Variants in KCNQ5 observed in about 807,000 individuals in gnomAD.
KCNQ5 encodes the protein potassium voltage-gated channel subfamily KQT member 5.
Under a neutral mutation model 98.2 loss-of-function variants are expected in KCNQ5, and 30 were observed. That is an observed-to-expected ratio of 0.31 (90% CI 0.23 to 0.41). The LOEUF (loss-of-function observed/expected upper bound fraction) is 0.41. Ranked by LOEUF, KCNQ5 falls within the 10% of genes least tolerant of loss-of-function variation. KCNQ5 has a pLI of 1.00. For missense variants in KCNQ5, 835 were observed against 1,182.5 expected (o/e 0.71, Z 4.31); for synonymous variants, 458 against 449.4 (o/e 1.02, Z -0.24).
Position 72,929,788 on chromosome 6 carries a change from T to C in KCNQ5, c.399-74120T>C, listed in dbSNP as rs1183464787. On this transcript the variant is annotated intron_variant, in intron 1 of 13. Transcript: ENST00000370398. ...AGGATAATTTAAAACGTATACAATTTGTTAGATATAATTGTTGATGAAATT... is the reference window on the plus strand; with the variant it reads ...AGGATAATTTAAAACGTATACAATTCGTTAGATATAATTGTTGATGAAATT... 2.6e-5 allele frequency among the ~76,000 whole-genome samples: 4 copies of C among 152,100 alleles called. No individual in the cohort carries two copies. In the East Asian group the frequency reaches 7.7e-4, roughly 29 times the overall value.
intron 1 of KCNQ5, among the ~76,000 whole-genome samples, chr6:72,854,993 G>C (rs1777465743): frequency 6.6e-6 from 1 of 151,618 alleles, no homozygotes; most frequent in Non-Finnish European, 1.5e-5. Flanking sequence ...TCATTTAGTG[G>C]AACAAGAAGT....
chr6:72,686,038 C>T (rs1767936339), intron 1 of KCNQ5, among the ~76,000 whole-genome samples: 1 of 152,234 alleles, frequency 6.6e-6, no homozygotes, highest in East Asian at 1.9e-4. Context: ...GGTATCTCTT[C>T]TTTTTCAAGG....
chr6:73,080,394 C>T (rs958203069), intron 5 of KCNQ5, among the ~76,000 whole-genome samples: 3 of 151,802 alleles, frequency 2.0e-5, no homozygotes, highest in African/African-American at 7.3e-5. Context: ...CTTATTGGTC[C>T]GTAGCAGGTT....
chr6:73,019,813 AAGAC>A (rs1554198442), intron 2 of KCNQ5, among the ~76,000 whole-genome samples: 1 of 152,200 alleles, frequency 6.6e-6, no homozygotes, highest in Non-Finnish European at 1.5e-5. Context: ...TTAAAAATAT[AAGAC>A]AGTCTGATTT....
At chr6:73,155,193 C>G (rs755581520) in intron 10 of KCNQ5, among the ~76,000 whole-genome samples, 3 of 152,176 alleles carry the variant, frequency 2.0e-5, no homozygotes, top group Non-Finnish European at 4.4e-5. Flanking sequence ...CTTAGGACCT[C>G]TCAAAATAAA....
chr6:72,702,501 T>G (rs1440352871), intron 1 of KCNQ5, among the ~76,000 whole-genome samples: 2 of 152,198 alleles, frequency 1.3e-5, no homozygotes, highest in Non-Finnish European at 2.9e-5. Flanking sequence ...GTGCCTGGAA[T>G]GTTGGAATAA....
chr6:72,906,023 C>A (rs577400089), intron 1 of KCNQ5, among the ~76,000 whole-genome samples: 2 of 151,864 alleles, frequency 1.3e-5, no homozygotes, highest in Non-Finnish European at 2.9e-5. Flanking sequence ...CAGGTGGGGG[C>A]AGGGCTAAGC....
At chr6:73,119,672 T>G (rs1775663857) in intron 7 of KCNQ5, among the ~76,000 whole-genome samples, 1 of 152,318 alleles carries the variant, frequency 6.6e-6, no homozygotes, top group Middle Eastern at 3.4e-3. Context: ...TAGCATACCC[T>G]GGTGTTCATT....
At chr6:72,878,729 T>C (rs923538486) in intron 1 of KCNQ5, among the ~76,000 whole-genome samples, 5 of 152,240 alleles carry the variant, frequency 3.3e-5, no homozygotes, top group Admixed American at 6.5e-5. Flanking sequence ...ATTTTACCTT[T>C]AAATTAGATT....
chr6:72,832,618 G>A (rs1293764841), intron 1 of KCNQ5, among the ~76,000 whole-genome samples: 15 of 152,042 alleles, frequency 9.9e-5, no homozygotes, highest in Admixed American at 9.8e-4. Context: ...TCCTAAATTT[G>A]GTTATCTCCT....
chr6:72,979,037 AT>A (rs1768299289), intron 1 of KCNQ5, among the ~76,000 whole-genome samples: 1 of 152,214 alleles, frequency 6.6e-6, no homozygotes, highest in African/African-American at 2.4e-5. Flanking sequence ...ATAGTATTCC[AT>A]GGTGTATATG....
intron 1 of KCNQ5, among the ~76,000 whole-genome samples, chr6:72,737,275 A>T (rs910032573): frequency 6.6e-6 from 1 of 152,188 alleles, no homozygotes; most frequent in Non-Finnish European, 1.5e-5. Context: ...TCATTTTAGT[A>T]GTAACAGTTT....
intron 1 of KCNQ5, among the ~76,000 whole-genome samples, chr6:72,706,115 G>A (rs1458275791): frequency 6.6e-6 from 1 of 151,900 alleles, no homozygotes; most frequent in East Asian, 1.9e-4. Context: ...AATGAAATTT[G>A]GTTAAAATGT....
At chr6:72,898,558 T>C (rs891998447) in intron 1 of KCNQ5, among the ~76,000 whole-genome samples, 6 of 152,338 alleles carry the variant, frequency 3.9e-5, no homozygotes, top group East Asian at 1.9e-4. Flanking sequence ...ACCACATTTT[T>C]TTGTCCAGTC....
At chr6:73,171,607 T>C (rs1036300673) in intron 11 of KCNQ5, among the ~76,000 whole-genome samples, 1 of 152,226 alleles carries the variant, frequency 6.6e-6, no homozygotes, top group African/African-American at 2.4e-5. Context: ...AGTGGATCAG[T>C]CGCACCATTC....
chr6:73,067,633 A>G (rs2150381747), intron 3 of KCNQ5, among the ~76,000 whole-genome samples: 1 of 152,244 alleles, frequency 6.6e-6, no homozygotes, highest in East Asian at 1.9e-4. Context: ...TATTATGGAG[A>G]AACAATGAAA....
intron 1 of KCNQ5, among the ~76,000 whole-genome samples, chr6:72,812,748 T>G (rs1775302710): frequency 2.0e-5 from 3 of 152,168 alleles, no homozygotes; most frequent in Non-Finnish European, 4.4e-5. Flanking sequence ...GCACATTAAG[T>G]GCACCCAAGC....
At chr6:72,706,775 T>C (rs554041214) in intron 1 of KCNQ5, among the ~76,000 whole-genome samples, 89 of 152,232 alleles carry the variant, frequency 5.8e-4, no homozygotes, top group Non-Finnish European at 1.1e-3. Context: ...CTGCAAATGT[T>C]CATAAAAAGA....
At chr6:72,861,516 A>C (rs1777761629) in intron 1 of KCNQ5, among the ~76,000 whole-genome samples, 1 of 152,138 alleles carries the variant, frequency 6.6e-6, no homozygotes, top group Non-Finnish European at 1.5e-5. Context: ...CTCCAGAAAA[A>C]AGTTTCCTTG....
Sources: allele counts gnomAD v4.1 joint callset (sites outside exome capture counted in the v4.1 genomes callset), GRCh38; gene constraint gnomAD v4.1.1; transcripts MANE v1.5; gene names NCBI Gene and HGNC (gene_info 2026-07-23, HGNC 2026-07-21).